SSBP4: variants seen among roughly 807,000 people sequenced by gnomAD.
SSBP4 encodes single stranded DNA binding protein 4.
SSBP4 carries 33 observed loss-of-function variants against 64.6 expected under a neutral mutation model. The observed-to-expected ratio is 0.51, with a 90% confidence interval of 0.39 to 0.68. The LOEUF (loss-of-function observed/expected upper bound fraction) is 0.68, where lower values mean the gene tolerates loss of function less well. Among genes scored for constraint, SSBP4 ranks in the 30% least tolerant of loss-of-function variants. The probability of loss-of-function intolerance (pLI) is 0.00; values close to 1 mark genes in which losing one functional copy is unlikely to be tolerated. For missense variants in SSBP4, 583 were observed against 566.8 expected (o/e 1.03, Z -0.29); for synonymous variants, 243 against 224.0 (o/e 1.08, Z -0.76).
rs775619628 is a variant in SSBP4, at chr19:18,432,166, G to A, written c.656G>A (p.Arg219Gln). 2.5e-5 allele frequency: 40 copies of A among 1,613,000 alleles called. No homozygotes were observed. The highest frequency in any genetic ancestry group is 5.5e-5 in the South Asian group (5 of 91,080). ...CCGCAGAGCTATGGAGGTGGCATGC[G>A]ACCCCCACCCAACTCCCTCGCCGGC... The part of the protein sequence containing the change: ...VGPQSYGGGM[R>Q]PPPNSLAGPG... Residue 219 changes from arginine to glutamine, a missense_variant, in exon 10 of 18, where the codon CGA (arginine) becomes CAA (glutamine). By Grantham distance (43) the Arg-to-Gln change is conservative. This residue lies in a region of SSBP4 where 444 missense variants were observed against 386.6 expected (regional missense o/e 1.15). Coordinates refer to ENST00000270061, the MANE Select transcript of SSBP4 (RefSeq NM_032627.5).
At chr19:18,419,818 G>A (rs1972303007) in intron 1 of SSBP4, 111 bp downstream of exon 1, 4 of 761,298 alleles carry the variant, frequency 5.3e-6, no homozygotes, top group Non-Finnish European at 6.6e-6. Flanking sequence ...GCGCGAGCCT[G>A]AGCGCGCTCG....
rs1320424111 is a variant in SSBP4, at chr19:18,434,091, C to T, written c.1129-126C>T. On this transcript the variant is annotated intron_variant, in intron 17 of 17. Coordinates refer to ENST00000270061, the MANE Select transcript of SSBP4 (RefSeq NM_032627.5). ...TGCATCGCCCCTCCCCCGTTCCCTCCTGTCCCCACCCCATGTCTGCCCAGG... is the reference window on the plus strand; with the variant it reads ...TGCATCGCCCCTCCCCCGTTCCCTCTTGTCCCCACCCCATGTCTGCCCAGG... The T allele has an allele frequency of 3.5e-6, 5 of 1,448,834 alleles. No individual in the cohort carries two copies. In the East Asian group the frequency reaches 8.2e-5, roughly 24 times the overall value. The allele number at this position is 1,448,834 out of a possible 1,614,324, so 89.7% of individuals were successfully genotyped here.
the SSBP4 span, among the ~76,000 whole-genome samples, chr19:18,406,448 TG>T: frequency 6.6e-6 from 1 of 152,016 alleles, no homozygotes; most frequent in Non-Finnish European, 1.5e-5. Context: ...CTCAAAGTGC[TG>T]GGATTACAGG....
intron 4 of SSBP4, among the ~76,000 whole-genome samples, chr19:18,428,633 G>A (rs1973045976): frequency 6.6e-6 from 1 of 152,160 alleles, no homozygotes; most frequent in African/African-American, 2.4e-5. Flanking sequence ...TGTTGGGTCT[G>A]AGGGGGAGGT....
rs1006139223 is a variant in SSBP4 at position 18,434,108 on chromosome 19, C to A, written c.1129-109C>A. The A allele has an allele frequency of 2.0e-6, 3 of 1,479,266 alleles. No homozygotes were observed. In the African/African-American group the frequency reaches 4.3e-5, roughly 21 times the overall value. 91.6% of individuals were successfully genotyped at this position (1,479,266 alleles called of 1,614,324 possible). A position where few individuals can be genotyped will look rare whatever the true frequency, so the allele number is the denominator to read the frequency against. On this transcript the variant is annotated intron_variant, in intron 17 of 17. Coordinates refer to ENST00000270061, the MANE Select transcript of SSBP4 (RefSeq NM_032627.5). ...GTTCCCTCCTGTCCCCACCCCATGT[C>A]TGCCCAGGACCCAGCCCTGCCCTGT...
upstream of SSBP4, among the ~76,000 whole-genome samples, chr19:18,415,236 A>T (rs1008460366): frequency 6.6e-5 from 10 of 152,018 alleles, no homozygotes; most frequent in African/African-American, 2.2e-4. Context: ...GCCGCCTCCC[A>T]CGCACGCACG....
upstream of SSBP4, among the ~76,000 whole-genome samples, chr19:18,416,827 G>A (rs1972136727): frequency 6.6e-6 from 1 of 152,144 alleles, no homozygotes; most frequent in African/African-American, 2.4e-5. Context: ...CGCGTGGGTG[G>A]GGGGTCCCTT....
chr19:18,430,705 A>G, intron 4 of SSBP4, 136 bp from the exon 5 acceptor site: 2 of 684,788 alleles, frequency 2.9e-6, no homozygotes, highest in South Asian at 2.1e-5. Context: ...CAGGCCGACA[A>G]CCCCAGTGTG....
chr19:18,403,614 T>C, the SSBP4 span, among the ~76,000 whole-genome samples: 6 of 150,230 alleles, frequency 4.0e-5, no homozygotes, highest in Non-Finnish European at 4.4e-5. Flanking sequence ...GCTCTGGGGA[T>C]CCAGAGGTCT....
the SSBP4 span, among the ~76,000 whole-genome samples, chr19:18,404,856 C>T: frequency 6.9e-6 from 1 of 144,560 alleles, no homozygotes; most frequent in South Asian, 2.2e-4. Flanking sequence ...CACGCCACTG[C>T]ACTCCAGCGC....
rs547822462 is a variant in SSBP4 at position 18,423,971 on chromosome 19, G to A, written c.60-3380G>A. 7.2e-5 allele frequency among the ~76,000 whole-genome samples: 11 copies of A among 152,174 alleles called. No individual in the cohort carries two copies. Among genetic ancestry groups the A allele is most frequent in the Non-Finnish European group, 1.5e-4 (10 of 67,988 alleles). On this transcript the variant is annotated intron_variant, in intron 1 of 17. Transcript: ENST00000270061. This position sits in a 1 kb window ranked among gnomAD's most constrained non-coding sequence, Gnocchi z 4.0. Reference sequence around the variant, plus strand: ...CCAACCGGTGGCGCCCCCAGACCTGGCCCCCGGAGCAGTCCTCTGGGAGGG... The same window carrying A: ...CCAACCGGTGGCGCCCCCAGACCTGACCCCCGGAGCAGTCCTCTGGGAGGG...
At chr19:18,408,417 C>G in the SSBP4 span, among the ~76,000 whole-genome samples, 16 of 152,100 alleles carry the variant, frequency 1.1e-4, no homozygotes, top group Non-Finnish European at 2.2e-4. Context: ...GCCTCTTTAA[C>G]CCCCAGGAGG....
At chr19:18,429,323 C>T (rs1973140131) in intron 4 of SSBP4, among the ~76,000 whole-genome samples, 1 of 152,066 alleles carries the variant, frequency 6.6e-6, no homozygotes, top group South Asian at 2.1e-4. Context: ...GCGCCCAGCC[C>T]ATCGCCATGG....
chr19:18,427,497 C>G lies in SSBP4; in HGVS notation c.132+74C>G. The G allele has an allele frequency of 6.4e-7, 1 of 1,552,586 alleles. No individual in the cohort carries two copies. The highest frequency in any genetic ancestry group is 8.7e-7 in the Non-Finnish European group (1 of 1,144,814). Reference sequence around the variant, plus strand: ...GGGTCCTTCATTTCCACTGGGGATCCAGGGGGTGGGCCCGCGTTGCCCCTC... The same window carrying G: ...GGGTCCTTCATTTCCACTGGGGATCGAGGGGGTGGGCCCGCGTTGCCCCTC... On this transcript the variant is annotated intron_variant, in intron 2 of 17. Coordinates refer to ENST00000270061, the MANE Select transcript of SSBP4 (RefSeq NM_032627.5). The surrounding 1 kb of genome is among the most constrained non-coding windows in gnomAD (Gnocchi z 4.4).
In SSBP4 at chr19:18,427,997, C is replaced by T. The variant is rs1426486958; in HGVS notation, c.279+15C>T. ...TCCAGGACTATGTGAGTCCTGGCCC[C>T]AGGGACTCAGGGGCTCCAGGGCGGG... On this transcript the variant is annotated intron_variant, in intron 4 of 17. Coordinates refer to ENST00000270061, the MANE Select transcript of SSBP4 (RefSeq NM_032627.5). This position sits in a 1 kb window ranked among gnomAD's most constrained non-coding sequence, Gnocchi z 4.4. The T allele has an allele frequency of 1.2e-6, 2 of 1,605,462 alleles. No individual in the cohort carries two copies. The highest frequency in any genetic ancestry group is 1.7e-6 in the Non-Finnish European group (2 of 1,179,238).
upstream of SSBP4, among the ~76,000 whole-genome samples, chr19:18,416,108 G>A (rs371997780): frequency 6.6e-6 from 1 of 152,236 alleles, no homozygotes; most frequent in African/African-American, 2.4e-5. Flanking sequence ...TTCGCCTCCC[G>A]GGTTCAAGCG....
chr19:18,427,810 G>A lies in SSBP4; in HGVS notation c.191G>A (p.Trp64Ter). 1 of 1,610,190 alleles carries A rather than the reference G, an allele frequency of 6.2e-7. No homozygotes were observed. ...CCCCCTGGGTTCCTGCACTCCTGGT[G>A]GTGGTACGGGCTGGGCTGCTGTGGG... The part of the protein sequence containing the change: ...GEPPGFLHSW[W>*]CVFWDLYCAA... The change falls in exon 3 of 18, where the codon TGG (tryptophan) becomes TAG (stop). Residue 64 changes from tryptophan to a stop codon, truncating the protein, a stop_gained. Transcript: ENST00000270061. LOFTEE classifies it high-confidence loss of function. This position sits in a 1 kb window ranked among gnomAD's most constrained non-coding sequence, Gnocchi z 4.4.
upstream of SSBP4, among the ~76,000 whole-genome samples, chr19:18,417,050 C>A (rs536658732): frequency 6.6e-6 from 1 of 152,116 alleles, no homozygotes; most frequent in Admixed American, 6.5e-5. The surrounding 1 kb of genome is among the most constrained non-coding windows in gnomAD (Gnocchi z 5.4). Context: ...GGGCCGCCGG[C>A]GCCTCAGCCT....
chr19:18,415,866 T>G (rs1972127640), upstream of SSBP4, among the ~76,000 whole-genome samples: 1 of 151,962 alleles, frequency 6.6e-6, no homozygotes, highest in Non-Finnish European at 1.5e-5. Context: ...TGACCCGTAT[T>G]TAGGGGACAT....
Sources: gnomAD v4.1 joint callset for allele counts (sites outside exome capture counted in the v4.1 genomes callset) on GRCh38, gnomAD v4.1.1 for gene constraint, gnomAD v4.1.1 regional missense constraint, Gnocchi (gnomAD v3.1) non-coding constraint, MANE v1.5 for transcripts, NCBI Gene and HGNC (gene_info 2026-07-23, HGNC 2026-07-21) for gene names.